Variants in NTM observed in about 807,000 individuals in gnomAD.
NTM encodes IgLON family member 2.
NTM carries 13 observed loss-of-function variants against 42.1 expected under a neutral mutation model. The ratio of observed to expected loss-of-function variants is 0.31; its 90% CI spans 0.20 to 0.49. The LOEUF (loss-of-function observed/expected upper bound fraction) is 0.49. NTM is among the 20% of genes least tolerant of loss of function. The pLI, the probability that NTM is intolerant of heterozygous loss-of-function variation, is 0.99. For missense variants in NTM, 373 were observed against 452.8 expected, an observed-to-expected ratio of 0.82 and a Z score of 1.60; for synonymous variants, 187 against 179.2, an observed-to-expected ratio of 1.04 and a Z score of -0.35.
rs1454850602 is a variant in NTM, at chr11:131,947,614, A to AT, written c.167+35966_167+35967insT. Reference sequence around the variant, plus strand: ...AGTGAATAGAACATCTGTAAGACACAGGGCCCTGGGGTCTGTCCATGGAAT... The same window carrying AT: ...AGTGAATAGAACATCTGTAAGACACATGGGCCCTGGGGTCTGTCCATGGAAT... On this transcript the variant is annotated intron_variant, in intron 2 of 8. Transcript: ENST00000683400. Among the ~76,000 whole-genome samples, 3 of 152,184 alleles carry AT rather than the reference A, an allele frequency of 2.0e-5. No individual in the cohort carries two copies. The South Asian group carries it at 6.2e-4, about 32-fold the overall frequency.
intron 1 of NTM, among the ~76,000 whole-genome samples, chr11:131,620,160 G>A (rs570109110): frequency 3.9e-5 from 6 of 152,270 alleles, no homozygotes; most frequent in Admixed American, 2.6e-4. Context: ...AAGGTACTAC[G>A]AGACTATATC....
At chr11:131,773,703 C>T (rs1202758918) in intron 1 of NTM, among the ~76,000 whole-genome samples, 1 of 152,208 alleles carries the variant, frequency 6.6e-6, no homozygotes, top group African/African-American at 2.4e-5. Context: ...TCTGGTATGG[C>T]TAATACGTTG....
At chr11:131,915,507 T>TTTA (rs774615402) in intron 2 of NTM, among the ~76,000 whole-genome samples, 4 of 152,114 alleles carry the variant, frequency 2.6e-5, no homozygotes, top group Non-Finnish European at 5.9e-5. Flanking sequence ...CTATATTCAG[T>TTTA]TTATCTCCTT....
At chr11:131,968,278 C>T (rs533818313) in intron 2 of NTM, among the ~76,000 whole-genome samples, 18 of 152,114 alleles carry the variant, frequency 1.2e-4, no homozygotes, top group African/African-American at 2.7e-4. Context: ...AATTTGTGAG[C>T]GGAGGTCTGC....
intron 1 of NTM, among the ~76,000 whole-genome samples, chr11:131,826,517 G>A (rs539989744): frequency 2.7e-5 from 4 of 150,050 alleles, no homozygotes; most frequent in Non-Finnish European, 5.9e-5. Context: ...TCAGTAGATA[G>A]ACAGGCTTGG....
At position 131,477,436 on chromosome 11, in the gene NTM, T is replaced by C. The variant is rs1183505190; in HGVS notation, c.82+106548T>C. The stretch of plus-strand genomic sequence containing the variant: ...TGCCATTCTCGGTGGCCAGAGCATC[T>C]AATATGAACCAGGTCCTCTTCTAGT... On this transcript the variant is annotated intron_variant, in intron 1 of 8. Coordinates refer to ENST00000683400, the MANE Select transcript of NTM (RefSeq NM_001352005.2). 2.0e-5 allele frequency among the ~76,000 whole-genome samples: 3 copies of C among 150,442 alleles called. No individual in the cohort carries two copies. In the East Asian group the frequency reaches 6.0e-4, roughly 30 times the overall value.
chr11:132,026,791 G>C (rs1456597134), intron 2 of NTM, among the ~76,000 whole-genome samples: 1 of 152,194 alleles, frequency 6.6e-6, no homozygotes, highest in Non-Finnish European at 1.5e-5. Context: ...CACTTTGCAA[G>C]AAGGGAACGG....
chr11:131,557,115 A>G (rs1159466600), intron 1 of NTM, among the ~76,000 whole-genome samples: 2 of 152,100 alleles, frequency 1.3e-5, no homozygotes, highest in African/African-American at 4.8e-5. Flanking sequence ...CCAGTATTTT[A>G]AAGCAAACAT....
intron 1 of NTM, among the ~76,000 whole-genome samples, chr11:131,404,723 A>G (rs1319147435): frequency 2.0e-5 from 3 of 152,174 alleles, no homozygotes; most frequent in Non-Finnish European, 4.4e-5. Flanking sequence ...CACCTGCCCA[A>G]TGGAGAGGTT....
intron 2 of NTM, among the ~76,000 whole-genome samples, chr11:132,080,940 T>G (rs2058960869): frequency 6.6e-6 from 1 of 152,052 alleles, no homozygotes; most frequent in Non-Finnish European, 1.5e-5. Context: ...ACAGTAAAAA[T>G]GTAAAAGTTT....
intron 1 of NTM, among the ~76,000 whole-genome samples, chr11:131,746,029 T>G (rs989569785): frequency 1.3e-5 from 2 of 152,032 alleles, no homozygotes; most frequent in African/African-American, 2.4e-5. Context: ...CAGGGCCCTG[T>G]GAGGGGAGGC....
At chr11:131,455,170 A>G (rs1950776273) in intron 1 of NTM, among the ~76,000 whole-genome samples, 1 of 152,220 alleles carries the variant, frequency 6.6e-6, no homozygotes, top group African/African-American at 2.4e-5. Flanking sequence ...GGTGCTGTCA[A>G]TGGGTGACTC....
chr11:131,564,470 G>A (rs556314258), intron 1 of NTM, among the ~76,000 whole-genome samples: 3 of 152,104 alleles, frequency 2.0e-5, no homozygotes, highest in South Asian at 2.1e-4. Context: ...GGGAGAGAGA[G>A]AGAGCAGGCT....
intron 1 of NTM, among the ~76,000 whole-genome samples, chr11:131,431,283 G>A (rs2135911337): frequency 6.6e-6 from 1 of 152,268 alleles, no homozygotes; most frequent in Middle Eastern, 3.4e-3. Flanking sequence ...GACATTGTGA[G>A]GGCTGCTTTT....
At chr11:131,650,949 T>C (rs1466090233) in intron 1 of NTM, among the ~76,000 whole-genome samples, 1 of 152,212 alleles carries the variant, frequency 6.6e-6, no homozygotes, top group Non-Finnish European at 1.5e-5. Flanking sequence ...AAGTTACATA[T>C]AAATTTAATC....
At chr11:131,492,027 G>A (rs567701784) in intron 1 of NTM, among the ~76,000 whole-genome samples, 2 of 152,320 alleles carry the variant, frequency 1.3e-5, no homozygotes, top group South Asian at 4.1e-4. Flanking sequence ...TTTTGGAAAT[G>A]GAAAGAAGGC....
chr11:131,632,837 G>C (rs899049953), intron 1 of NTM, among the ~76,000 whole-genome samples: 1 of 150,896 alleles, frequency 6.6e-6, no homozygotes, highest in Non-Finnish European at 1.5e-5. Flanking sequence ...ACCATGCCCG[G>C]CTAATTTTTG....
At position 131,926,726 on chromosome 11, in the gene NTM, C is replaced by T. The variant is rs558220744; in HGVS notation, c.167+15078C>T. On this transcript the variant is annotated intron_variant, in intron 2 of 8. Coordinates refer to ENST00000683400, the MANE Select transcript of NTM (RefSeq NM_001352005.2). ...AACACCTGTGTGGATTCACTTGCTG[C>T]GCACAGAGGCCTGGTAGTTTCCGTG... Among the ~76,000 whole-genome samples, 7 of 152,284 alleles carry T rather than the reference C, an allele frequency of 4.6e-5. No homozygotes were observed. In the South Asian group the frequency reaches 6.2e-4, roughly 14 times the overall value.
At chr11:131,445,092 G>T (rs999886732) in intron 1 of NTM, among the ~76,000 whole-genome samples, 2 of 152,172 alleles carry the variant, frequency 1.3e-5, no homozygotes, top group Non-Finnish European at 2.9e-5. Context: ...TATCCTATTT[G>T]TATGATGATC....
Sources: gnomAD v4.1 joint callset for allele counts (sites outside exome capture counted in the v4.1 genomes callset) on GRCh38, gnomAD v4.1.1 for gene constraint, MANE v1.5 for transcripts, NCBI Gene and HGNC (gene_info 2026-07-23, HGNC 2026-07-21) for gene names.